Variants in SLC35E4 observed in about 807,000 individuals in gnomAD.
SLC35E4 encodes the protein solute carrier family 35 member E4, also known as solute carrier family 35, member E4.
Under a neutral mutation model 19.3 loss-of-function variants are expected in SLC35E4, and 15 were observed. The observed-to-expected ratio is 0.78, with a 90% confidence interval of 0.52 to 1.20. SLC35E4 has a LOEUF of 1.20. Ranked by LOEUF, SLC35E4 falls within the 50% of genes most tolerant of loss-of-function variation. SLC35E4 has a pLI of 0.00. For synonymous variants in SLC35E4, 219 were observed against 219.9 expected, an observed-to-expected ratio of 1.00 and a Z score of 0.04; for missense variants, 406 against 472.3, an observed-to-expected ratio of 0.86 and a Z score of 1.30.
intron 2 of SLC35E4, among the ~76,000 whole-genome samples, chr22:30,661,226 A>G (rs936827889): frequency 3.3e-5 from 5 of 152,198 alleles, no homozygotes; most frequent in Non-Finnish European, 5.9e-5. Context: ...ATATAGTTTG[A>G]GACCCATTCA....
intron 2 of SLC35E4, among the ~76,000 whole-genome samples, chr22:30,655,423 T>G (rs1172576574): frequency 1.6e-5 from 1 of 61,442 alleles, no homozygotes; most frequent in Admixed American, 2.8e-4. Flanking sequence ...CAGAGTGAGA[T>G]CCTACCAAAA....
At chr22:30,653,981 T>TG (rs138763374) in intron 2 of SLC35E4, 2,187 of 152,100 alleles carry the variant, frequency 0.014, 59 homozygotes, top group African/African-American at 0.055. Flanking sequence ...TGTTTTGTTT[T>TG]TTTGTTTTTT....
At chr22:30,650,542 T>C (rs192267851), downstream of SLC35E4, among the ~76,000 whole-genome samples, 121 of 152,248 alleles carry the variant, frequency 7.9e-4, no homozygotes, top group Non-Finnish European at 1.2e-3. Flanking sequence ...GGAGTTTGAC[T>C]TGTGCTCGAA....
In SLC35E4 at chr22:30,642,796, A is replaced by G. The variant is rs183519352; in HGVS notation, c.620-3802A>G. ...TGTAATCCCAGCACTTTGGGAGGCCAAGGTGGGTGGATCATGAGGTCAGGA... is the reference window on the plus strand; with the variant it reads ...TGTAATCCCAGCACTTTGGGAGGCCGAGGTGGGTGGATCATGAGGTCAGGA... On this transcript the variant is annotated intron_variant, in intron 1 of 1. Coordinates refer to ENST00000343605, the MANE Select transcript of SLC35E4 (RefSeq NM_001001479.4). 1.4e-3 allele frequency among the ~76,000 whole-genome samples: 209 copies of G among 151,316 alleles called. 1 individual carries two copies. Among genetic ancestry groups the G allele is most frequent in the East Asian group, 4.5e-3 (23 of 5,122 alleles).
downstream of SLC35E4, chr22:30,665,017 C>G (rs545361119): frequency 5.2e-5 from 8 of 152,710 alleles, no homozygotes; most frequent in Non-Finnish European, 8.8e-5. Context: ...AGATCTGCTT[C>G]CCGCGCCGCA....
downstream of SLC35E4, chr22:30,664,013 G>GGGTCAGCGGTT (rs780400702): frequency 6.2e-7 from 1 of 1,607,326 alleles, no homozygotes; most frequent in South Asian, 1.1e-5. Context: ...TCAAGGCGGT[G>GGGTCAGCGGTT]GGTCAGTGGT....
chr22:30,636,681 G>A lies in SLC35E4; in HGVS notation c.231G>A (p.Gly77=). ...NKWIFTVHGF[G]RPLLLSALHM... The stretch of plus-strand genomic sequence containing the variant: ...GGATCTTCACAGTGCACGGCTTTGG[G>A]CGGCCCCTGCTGCTGTCGGCCCTGC... The change falls in exon 1 of 2, where the codon GGG becomes GGA. Residue 77 remains glycine (G), a synonymous_variant. Coordinates refer to ENST00000343605, the MANE Select transcript of SLC35E4 (RefSeq NM_001001479.4). 1 of 1,611,962 alleles carries A rather than the reference G, an allele frequency of 6.2e-7. No individual in the cohort carries two copies. Among genetic ancestry groups the A allele is most frequent in the South Asian group, 1.1e-5 (1 of 91,030 alleles).
At chr22:30,645,469 C>T (rs140163008) in intron 1 of SLC35E4, among the ~76,000 whole-genome samples, 14 of 152,128 alleles carry the variant, frequency 9.2e-5, no homozygotes, top group African/African-American at 3.4e-4. Flanking sequence ...GTGGCGCATG[C>T]CTGTGATCCC....
At chr22:30,651,694 G>A (rs9609033), downstream of SLC35E4, among the ~76,000 whole-genome samples, 2,607 of 151,886 alleles carry the variant, frequency 0.017, 43 homozygotes, top group Non-Finnish European at 0.025. Flanking sequence ...CTGTTGTTGT[G>A]GTCTAGGTAA....
rs2087942590 is a variant in SLC35E4 at position 30,636,244 on chromosome 22, G to A, written c.-207G>A. The A allele has an allele frequency of 2.8e-6, 2 of 704,118 alleles. No homozygotes were observed. Among genetic ancestry groups the A allele is most frequent in the Admixed American group, 6.6e-5 (2 of 30,436 alleles). The allele number at this position is 704,118 out of a possible 1,614,324, so 43.6% of individuals were successfully genotyped here. A position where few individuals can be genotyped will look rare whatever the true frequency, so the allele number is the denominator to read the frequency against. On this transcript the variant is annotated 5_prime_UTR_variant, in exon 1 of 2. Transcript: ENST00000343605. ...TGGCATCCTAGCAGCCGCGACCTTG[G>A]CTCTGCCCTGTCTGAGCTGGAAACA...
At chr22:30,646,343 A>G (rs1194176173) in intron 1 of SLC35E4, among the ~76,000 whole-genome samples, 1 of 152,196 alleles carries the variant, frequency 6.6e-6, no homozygotes, top group Non-Finnish European at 1.5e-5. Context: ...CCAACTCTCC[A>G]GGTGAGGAAA....
At chr22:30,663,481 G>A (rs763786827), downstream of SLC35E4, 3 of 1,613,828 alleles carry the variant, frequency 1.9e-6, no homozygotes, top group Admixed American at 5.0e-5. Flanking sequence ...TAGATGTCAG[G>A]GATCATTCCC....
At chr22:30,657,620 A>T (rs893664356) in intron 2 of SLC35E4, among the ~76,000 whole-genome samples, 1 of 151,870 alleles carries the variant, frequency 6.6e-6, no homozygotes, top group South Asian at 2.1e-4. Context: ...GATTTAAAAA[A>T]TAGGCCAGGC....
chr22:30,638,501 CAAA>C (rs33962458), intron 1 of SLC35E4, among the ~76,000 whole-genome samples: 1,608 of 64,010 alleles, frequency 0.025, 35 homozygotes, highest in African/African-American at 0.082. Flanking sequence ...GACTCCATCT[CAAA>C]AAAAAAAAAA....
chr22:30,659,698 A>C (rs1215404212), intron 2 of SLC35E4, among the ~76,000 whole-genome samples: 1 of 152,206 alleles, frequency 6.6e-6, no homozygotes, highest in Non-Finnish European at 1.5e-5. Context: ...CAAGATTTGG[A>C]AATGATGTTT....
intron 2 of SLC35E4, among the ~76,000 whole-genome samples, chr22:30,656,070 C>T (rs1417750251): frequency 1.3e-5 from 2 of 151,924 alleles, no homozygotes; most frequent in African/African-American, 4.8e-5. Context: ...CCTCCTTGGG[C>T]TCAAGCGATC....
intron 2 of SLC35E4, among the ~76,000 whole-genome samples, chr22:30,656,972 A>G (rs1602093063): frequency 6.6e-6 from 1 of 152,164 alleles, no homozygotes; most frequent in East Asian, 1.9e-4. Context: ...AATATAAAGT[A>G]ATTAAAACTT....
rs1270946611 is a variant in SLC35E4 at position 30,636,587 on chromosome 22, G to A, written c.137G>A (p.Arg46Gln). ...GSPQALRQPG[R>Q]ARVAMAALVW... ...CCTCAGGCCCTCCGGCAGCCTGGCC[G>A]GGCCCGAGTGGCCATGGCAGCACTG... is the stretch of plus-strand genomic sequence containing the variant. The change falls in exon 1 of 2, where the codon CGG becomes CAG. Residue 46 changes from arginine (R) to glutamine (Q), a missense_variant. Physicochemically the swap from Arg to Gln is conservative, Grantham distance 43 (BLOSUM62 1). Coordinates refer to ENST00000343605, the MANE Select transcript of SLC35E4 (RefSeq NM_001001479.4). The A allele has an allele frequency of 6.9e-6, 11 of 1,599,896 alleles. No individual in the cohort carries two copies. Among genetic ancestry groups the A allele is most frequent in the Admixed American group, 3.4e-5 (2 of 58,436 alleles).
downstream of SLC35E4, among the ~76,000 whole-genome samples, chr22:30,651,397 GTGTA>G (rs1337144696): frequency 1.3e-4 from 7 of 52,614 alleles, no homozygotes; most frequent in African/African-American, 9.7e-4. Flanking sequence ...GTGTGTGTGT[GTGTA>G]TATATATATA....
Sources: allele counts gnomAD v4.1 joint callset (sites outside exome capture counted in the v4.1 genomes callset), GRCh38; gene constraint gnomAD v4.1.1; transcripts MANE v1.5; gene names NCBI Gene and HGNC (gene_info 2026-07-23, HGNC 2026-07-21).